The following NT5DC3 variants were observed in gnomAD, a reference collection of about 807,000 sequenced individuals.
NT5DC3 encodes the protein 5'-nucleotidase domain containing 3, also known as 5'-nucleotidase domain-containing protein 3.
Under a neutral mutation model 67.8 loss-of-function variants are expected in NT5DC3, and 42 were observed. The observed-to-expected ratio is 0.62, with a 90% CI of 0.48 to 0.80. The LOEUF (loss-of-function observed/expected upper bound fraction) is 0.80. Ranked by LOEUF, NT5DC3 falls within the 30% of genes least tolerant of loss-of-function variation. NT5DC3 has a pLI of 0.00. For synonymous variants in NT5DC3, 237 were observed against 255.6 expected, an observed-to-expected ratio of 0.93 and a Z score of 0.69; for missense variants, 570 against 696.4, an observed-to-expected ratio of 0.82 and a Z score of 2.04.
At chr12:103,761,130 T>G in the NT5DC3 span, among the ~76,000 whole-genome samples, 1 of 152,138 alleles carries the variant, frequency 6.6e-6, no homozygotes. Context: ...ACAGGACAAT[T>G]AATGTGTTCT....
At chr12:103,808,133 C>T (rs889636131) in intron 2 of NT5DC3, among the ~76,000 whole-genome samples, 24 of 152,178 alleles carry the variant, frequency 1.6e-4, no homozygotes, top group African/African-American at 4.8e-4. Context: ...AATTAGGACA[C>T]AAGCTACCCT....
the NT5DC3 span, chr12:103,762,499 C>A: frequency 1.3e-6 from 2 of 1,575,622 alleles, no homozygotes; most frequent in South Asian, 1.2e-5. Context: ...CCAGAGTCCT[C>A]ACCCAGAAGC....
At chr12:103,752,795 G>A in the NT5DC3 span, among the ~76,000 whole-genome samples, 2 of 152,064 alleles carry the variant, frequency 1.3e-5, no homozygotes, top group South Asian at 2.1e-4. Context: ...AAACTACATC[G>A]GCAGTATGCT....
At chr12:103,794,084 T>TCTG (rs1233813994) in intron 6 of NT5DC3, 87 bp from the exon 7 acceptor site, 4 of 1,007,488 alleles carry the variant, frequency 4.0e-6, no homozygotes, top group Non-Finnish European at 4.8e-6. Flanking sequence ...CATGGTAACT[T>TCTG]CTGTCCCTAG....
At chr12:103,766,048 G>C (rs1884932473), downstream of NT5DC3, 1 of 664,958 alleles carries the variant, frequency 1.5e-6, no homozygotes, top group Non-Finnish European at 2.8e-6. Context: ...CTGCAGCCGA[G>C]TTGGGATGAT....
Position 103,806,860 on chromosome 12 carries a change from G to A in NT5DC3, c.463C>T (p.Gln155Ter). ...AACAGGAGAAGTAAACCTACCCGCT[G>A]TACATCATAATGAAGTCCACGAATT... ...FAIRGLHYDV[Q>*]RAVLMKIDAF... The change falls in exon 3 of 14, where the codon CAG becomes TAG. Residue 155 changes from glutamine (Q) to a stop codon, truncating the protein, a stop_gained. Transcript: ENST00000392876. LOFTEE classifies it high-confidence loss of function. 3 of 1,588,180 alleles carry A rather than the reference G, an allele frequency of 1.9e-6. No individual in the cohort carries two copies. Among genetic ancestry groups the A allele is most frequent in the Non-Finnish European group, 2.6e-6 (3 of 1,156,540 alleles).
intron 10 of NT5DC3, 46 bp downstream of exon 10, chr12:103,788,792 G>C (rs570886743): frequency 7.9e-7 from 1 of 1,264,424 alleles, no homozygotes; most frequent in Non-Finnish European, 1.2e-6. Context: ...CATTATTACC[G>C]ACCACAAAGC....
intron 1 of NT5DC3, among the ~76,000 whole-genome samples, chr12:103,836,196 T>G (rs1457770116): frequency 6.6e-6 from 1 of 152,118 alleles, no homozygotes; most frequent in Non-Finnish European, 1.5e-5. Flanking sequence ...CCCTCCAATC[T>G]CATGTCCTCA....
chr12:103,829,918 T>C (rs899589201), intron 1 of NT5DC3, among the ~76,000 whole-genome samples: 2 of 152,196 alleles, frequency 1.3e-5, no homozygotes, highest in African/African-American at 4.8e-5. Context: ...CACTCTTTCT[T>C]AAATGATTGA....
the NT5DC3 span, chr12:103,753,502 A>C: frequency 1.9e-6 from 2 of 1,067,360 alleles, no homozygotes; most frequent in Non-Finnish European, 2.7e-6. Context: ...CACCATGTCC[A>C]TTTATTGGGC....
chr12:103,780,491 C>T, intron 12 of NT5DC3, 127 bp from the exon 13 acceptor site: 2 of 775,944 alleles, frequency 2.6e-6, no homozygotes, highest in Non-Finnish European at 2.2e-6. Context: ...AGGCTGGCAC[C>T]TGAATGAAAT....
chr12:103,826,676 A>G (rs1267746924), intron 1 of NT5DC3, among the ~76,000 whole-genome samples: 1 of 152,266 alleles, frequency 6.6e-6, no homozygotes, highest in Non-Finnish European at 1.5e-5. Context: ...TACTGTTGTC[A>G]ATCACTAATT....
intron 2 of NT5DC3, among the ~76,000 whole-genome samples, chr12:103,807,379 A>AC (rs1886845393): frequency 6.6e-6 from 1 of 152,190 alleles, no homozygotes; most frequent in African/African-American, 2.4e-5. Flanking sequence ...CTCATTGTCA[A>AC]CCATCCATTC....
chr12:103,768,087 C>CA (rs34935949), downstream of NT5DC3, among the ~76,000 whole-genome samples: 20,892 of 86,986 alleles, frequency 0.24, 2,297 homozygotes, highest in Middle Eastern at 0.34. Flanking sequence ...GACTCCTTCT[C>CA]AAAAAAAAAA....
rs955335010 is a variant in NT5DC3 at position 103,815,182 on chromosome 12, T to G, written c.209-61A>C. Reference sequence around the variant, plus strand: ...AATAAATAAGGGTTAGTATGATTCCTAAAGAAAAAAAATGAGTAAACTAGA... The same window carrying G: ...AATAAATAAGGGTTAGTATGATTCCGAAAGAAAAAAAATGAGTAAACTAGA... On this transcript the variant is annotated intron_variant, in intron 1 of 13. Coordinates refer to ENST00000392876, the MANE Select transcript of NT5DC3 (RefSeq NM_001031701.3). 8.0e-6 allele frequency: 9 copies of G among 1,119,200 alleles called. No homozygotes were observed. In the African/African-American group the frequency reaches 1.3e-4, roughly 16 times the overall value. 69.3% of individuals were successfully genotyped at this position (1,119,200 alleles called of 1,614,324 possible). A position where few individuals can be genotyped will look rare whatever the true frequency, so the allele number is the denominator to read the frequency against.
intron 1 of NT5DC3, among the ~76,000 whole-genome samples, chr12:103,836,312 T>C (rs983823049): frequency 3.9e-5 from 6 of 152,114 alleles, no homozygotes; most frequent in African/African-American, 1.4e-4. Flanking sequence ...ACAAGATAAG[T>C]CCCTTCCGCC....
the NT5DC3 span, among the ~76,000 whole-genome samples, chr12:103,749,480 T>C: frequency 6.6e-6 from 1 of 152,104 alleles, no homozygotes; most frequent in Non-Finnish European, 1.5e-5. Context: ...TAGGAGAGTT[T>C]GCTCTTTGGC....
chr12:103,806,816 C>T, intron 3 of NT5DC3, 39 bp downstream of exon 3: 3 of 1,239,704 alleles, frequency 2.4e-6, no homozygotes, highest in Middle Eastern at 2.1e-4. Flanking sequence ...CATTTCCAAA[C>T]ATCATTAAAC....
intron 1 of NT5DC3, among the ~76,000 whole-genome samples, chr12:103,823,387 C>G (rs889591200): frequency 6.6e-6 from 1 of 152,134 alleles, no homozygotes; most frequent in Non-Finnish European, 1.5e-5. Flanking sequence ...CACGACCTCA[C>G]TTAATGCAAG....
Sources: gnomAD v4.1 joint callset for allele counts (sites outside exome capture counted in the v4.1 genomes callset) on GRCh38, gnomAD v4.1.1 for gene constraint, MANE v1.5 for transcripts, NCBI Gene and HGNC (gene_info 2026-07-23, HGNC 2026-07-21) for gene names.